The following NEK1 variants were observed in gnomAD, a reference collection of about 807,000 sequenced individuals.
The protein encoded by NEK1 is NIMA related kinase 1.
NEK1 carries 137 observed loss-of-function variants against 182.1 expected under a neutral mutation model. That is an observed-to-expected ratio of 0.75 (90% CI 0.65 to 0.87). NEK1 has a LOEUF of 0.87. Ranked by LOEUF, NEK1 falls within the 40% of genes least tolerant of loss-of-function variation. The pLI is 0.00. For missense variants in NEK1, 1,391 were observed against 1,494.4 expected (o/e 0.93, Z 1.14); for synonymous variants, 513 against 492.2 (o/e 1.04, Z -0.56).
chr4:169,548,264 G>A (rs986500501), intron 18 of NEK1, among the ~76,000 whole-genome samples: 2 of 152,222 alleles, frequency 1.3e-5, no homozygotes, highest in Non-Finnish European at 1.5e-5. Context: ...GTCCACTCCA[G>A]ACTGTGTTCG....
chr4:169,426,009 C>T (rs1579507059), intron 30 of NEK1, 137 bp downstream of exon 30: 1 of 647,178 alleles, frequency 1.5e-6, no homozygotes, highest in South Asian at 2.0e-5. Flanking sequence ...TGTGCTATGC[C>T]TATTATATTT....
intron 23 of NEK1, among the ~76,000 whole-genome samples, chr4:169,499,245 G>T (rs1429301321): frequency 1.3e-5 from 2 of 152,150 alleles, no homozygotes; most frequent in African/African-American, 4.8e-5. Flanking sequence ...ATGATTTTCA[G>T]CTCCATCAGG....
chr4:169,597,273 GAAC>G (rs1769668262), intron 5 of NEK1, among the ~76,000 whole-genome samples: 1 of 152,072 alleles, frequency 6.6e-6, no homozygotes, highest in African/African-American at 2.4e-5. Flanking sequence ...CTTGTTAACA[GAAC>G]AATTACCAAC....
At chr4:169,426,005 A>T in intron 30 of NEK1, 141 bp downstream of exon 30, 1 of 627,096 alleles carries the variant, frequency 1.6e-6, no homozygotes, top group Non-Finnish European at 2.8e-6. Context: ...CCAGTGTGCT[A>T]TGCCTATTAT....
intron 23 of NEK1, among the ~76,000 whole-genome samples, chr4:169,491,514 G>A (rs1750086659): frequency 6.6e-6 from 1 of 152,056 alleles, no homozygotes; most frequent in African/African-American, 2.4e-5. Context: ...ACTTAGAAAA[G>A]CTGTTTTTCA....
rs1431060090 is a variant in NEK1, at chr4:169,393,837, G to A, written c.*673C>T. On this transcript the variant is annotated 3_prime_UTR_variant, in exon 36 of 36. Transcript: ENST00000507142. ...TTCTGGTCCTTAAAGAGAAATAAAGGCATTAAACCAACTTTTTATATGTCA... is the reference window on the plus strand; with the variant it reads ...TTCTGGTCCTTAAAGAGAAATAAAGACATTAAACCAACTTTTTATATGTCA... The A allele has an allele frequency of 6.6e-6, 1 of 152,092 alleles. No individual in the cohort carries two copies. The highest frequency in any genetic ancestry group is 1.5e-5 in the Non-Finnish European group (1 of 67,986). 9.4% of individuals were successfully genotyped at this position (152,092 alleles called of 1,614,324 possible).
intron 19 of NEK1, among the ~76,000 whole-genome samples, chr4:169,514,762 C>T (rs1435432204): frequency 6.6e-6 from 1 of 152,036 alleles, no homozygotes; most frequent in Non-Finnish European, 1.5e-5. Flanking sequence ...TTGCTAGAGA[C>T]TTATCAAATT....
intron 27 of NEK1, among the ~76,000 whole-genome samples, chr4:169,442,250 G>A (rs1739605916): frequency 6.6e-6 from 1 of 152,134 alleles, no homozygotes; most frequent in African/African-American, 2.4e-5. Context: ...GGCTCAACTG[G>A]CTCCCTGTCC....
chr4:169,461,247 T>C (rs75315960), intron 27 of NEK1, among the ~76,000 whole-genome samples: 6,531 of 152,262 alleles, frequency 0.043, 186 homozygotes, highest in Middle Eastern at 0.12. Flanking sequence ...TAGAATAGCA[T>C]ACTGCCTGGA....
chr4:169,541,869 C>T (rs904159412), intron 18 of NEK1, among the ~76,000 whole-genome samples: 2 of 152,156 alleles, frequency 1.3e-5, no homozygotes, highest in Admixed American at 6.5e-5. Flanking sequence ...TTAAACCCCA[C>T]GATGATCCAA....
intron 23 of NEK1, among the ~76,000 whole-genome samples, chr4:169,486,292 T>C (rs1320973378): frequency 6.6e-6 from 1 of 152,150 alleles, no homozygotes; most frequent in Non-Finnish European, 1.5e-5. Context: ...TGTTTCTACT[T>C]CACGTGTCAA....
chr4:169,494,077 T>C (rs1219148663), intron 23 of NEK1, among the ~76,000 whole-genome samples: 1 of 150,952 alleles, frequency 6.6e-6, no homozygotes, highest in Non-Finnish European at 1.5e-5. Context: ...GGGAATCCCA[T>C]CAGACTCACA....
At chr4:169,428,889 T>C (rs574302008) in intron 29 of NEK1, among the ~76,000 whole-genome samples, 1 of 152,318 alleles carries the variant, frequency 6.6e-6, no homozygotes, top group Non-Finnish European at 1.5e-5. Flanking sequence ...ATTATTTTAT[T>C]CCATTAATCA....
intron 27 of NEK1, among the ~76,000 whole-genome samples, chr4:169,443,101 A>ATCTATCTC (rs1363038119): frequency 4.5e-4 from 66 of 148,298 alleles, no homozygotes; most frequent in African/African-American, 1.5e-3. Context: ...CTATCTATCT[A>ATCTATCTC]TCTCATAATT....
At chr4:169,463,561 C>A (rs1744377292) in intron 26 of NEK1, among the ~76,000 whole-genome samples, 166 bp from the exon 27 acceptor site, 1 of 151,908 alleles carries the variant, frequency 6.6e-6, no homozygotes, top group Non-Finnish European at 1.5e-5. Flanking sequence ...AGAACAGAAG[C>A]AAATGAAACT....
chr4:169,491,441 G>C (rs1418103056), intron 23 of NEK1, among the ~76,000 whole-genome samples: 1 of 152,104 alleles, frequency 6.6e-6, no homozygotes, highest in African/African-American at 2.4e-5. Context: ...TGCAGGTCAG[G>C]AGAGAATGGG....
At chr4:169,512,431 A>G (rs1754345286) in intron 19 of NEK1, among the ~76,000 whole-genome samples, 1 of 152,014 alleles carries the variant, frequency 6.6e-6, no homozygotes, top group South Asian at 2.1e-4. Flanking sequence ...TGTTTTGTAT[A>G]AATTTTCCTC....
chr4:169,466,363 T>C (rs1482947836), intron 26 of NEK1, among the ~76,000 whole-genome samples: 1 of 151,838 alleles, frequency 6.6e-6, no homozygotes, highest in Non-Finnish European at 1.5e-5. Flanking sequence ...TCAAGGCACA[T>C]CACAATCAAA....
intron 23 of NEK1, among the ~76,000 whole-genome samples, chr4:169,491,136 CAAAAAAAAAAA>C (rs70964208): frequency 1.4e-3 from 63 of 45,912 alleles, no homozygotes; most frequent in Non-Finnish European, 1.7e-3. Context: ...GACTCCATCT[CAAAAAAAAAAA>C]AAAAAAAAAA....
Sources: gnomAD v4.1 joint callset for allele counts (sites outside exome capture counted in the v4.1 genomes callset) on GRCh38, gnomAD v4.1.1 for gene constraint, MANE v1.5 for transcripts, NCBI Gene and HGNC (gene_info 2026-07-23, HGNC 2026-07-21) for gene names.